The following HSD17B2 variants were observed in gnomAD, a reference collection of about 807,000 sequenced individuals.
HSD17B2 encodes hydroxysteroid 17-beta dehydrogenase 2.
Under a neutral mutation model 26.9 loss-of-function variants are expected in HSD17B2, and 32 were observed. The ratio of observed to expected loss-of-function variants is 1.19; its 90% CI spans 0.90 to 1.60. The LOEUF (loss-of-function observed/expected upper bound fraction) is 1.60, where lower values mean the gene tolerates loss of function less well. HSD17B2 is among the 40% of genes most tolerant of loss of function. HSD17B2 has a pLI of 0.00. For synonymous variants in HSD17B2, 246 were observed against 186.7 expected (o/e 1.32, Z -2.59); for missense variants, 613 against 468.6 (o/e 1.31, Z -2.85).
intron 1 of HSD17B2, among the ~76,000 whole-genome samples, chr16:82,050,735 C>T (rs1175196698): frequency 6.6e-6 from 1 of 152,216 alleles, no homozygotes; most frequent in African/African-American, 2.4e-5. Context: ...CCACCCTTTA[C>T]AGGCTGGCTT....
rs1424466411 is a variant in HSD17B2, at chr16:82,055,455, T to C, written c.266-12715T>C. Among the ~76,000 whole-genome samples, 3 of 152,166 alleles carry C rather than the reference T, an allele frequency of 2.0e-5. No homozygotes were observed. In the East Asian group the frequency reaches 5.8e-4, roughly 29 times the overall value. ...GGTTTTATATGTTGCCGTGTCCCCA[T>C]GATGTAGAAGAGTACATGGCACATG... On this transcript the variant is annotated intron_variant, in intron 1 of 4. Transcript: ENST00000199936.
At chr16:82,050,890 T>C (rs941254876) in intron 1 of HSD17B2, among the ~76,000 whole-genome samples, 3 of 152,214 alleles carry the variant, frequency 2.0e-5, no homozygotes, top group East Asian at 1.9e-4. Flanking sequence ...AACTTTTCTG[T>C]ACATTATAGG....
In HSD17B2 at chr16:82,035,479, C is replaced by T. The variant is rs778683601; in HGVS notation, c.55C>T (p.Leu19=). Residue 19 remains leucine, a synonymous_variant, in exon 1 of 5, where the codon CTA becomes TTA. Transcript: ENST00000199936. Reference sequence around the variant, plus strand: ...GATCTGCCTGGCTGTCCCCACAGTACTATGTGGGACAGTATTTTGCAAATA... The same window carrying T: ...GATCTGCCTGGCTGTCCCCACAGTATTATGTGGGACAGTATTTTGCAAATA... The part of the protein sequence containing the change: ...AWICLAVPTV[L]CGTVFCKYKK... The T allele has an allele frequency of 1.1e-5, 17 of 1,613,404 alleles. 1 individual carries two copies. In the South Asian group the frequency reaches 1.5e-4, roughly 15 times the overall value.
intron 3 of HSD17B2, among the ~76,000 whole-genome samples, chr16:82,077,030 T>C (rs746539696): frequency 6.6e-6 from 1 of 152,284 alleles, no homozygotes; most frequent in Middle Eastern, 3.4e-3. Context: ...ACACAAAAGA[T>C]TGAAAGATAT....
intron 1 of HSD17B2, among the ~76,000 whole-genome samples, chr16:82,045,121 CAAAAA>C (rs10565056): frequency 9.3e-5 from 4 of 42,796 alleles, no homozygotes; most frequent in Admixed American, 2.5e-4. Context: ...AAACTCTGTC[CAAAAA>C]AAAAAAAAAA....
chr16:82,078,797 C>G (rs146680837), intron 3 of HSD17B2, among the ~76,000 whole-genome samples: 28 of 152,222 alleles, frequency 1.8e-4, no homozygotes, highest in Admixed American at 9.2e-4. Flanking sequence ...CATGTTCTCA[C>G]TTATTTGTGG....
At chr16:82,046,239 T>G (rs1306497791) in intron 1 of HSD17B2, among the ~76,000 whole-genome samples, 1 of 151,838 alleles carries the variant, frequency 6.6e-6, no homozygotes. Context: ...GAGGAAGACA[T>G]AACACAACAA....
At chr16:82,062,512 G>A (rs1914468116) in intron 1 of HSD17B2, among the ~76,000 whole-genome samples, 1 of 152,180 alleles carries the variant, frequency 6.6e-6, no homozygotes, top group African/African-American at 2.4e-5. Flanking sequence ...GTGCTTTGGA[G>A]GATTTGAATA....
chr16:82,042,297 G>A lies in HSD17B2; in HGVS notation c.265+6608G>A, dbSNP rs1000732800. ...TGGGATTACAGGCATGAGTCACCAC[G>A]CCCAGCCTCCCACAGTGCTAGGATG... On this transcript the variant is annotated intron_variant, in intron 1 of 4. Coordinates refer to ENST00000199936, the MANE Select transcript of HSD17B2 (RefSeq NM_002153.3). 2.0e-5 allele frequency among the ~76,000 whole-genome samples: 3 copies of A among 151,854 alleles called. No homozygotes were observed. In the East Asian group the frequency reaches 5.9e-4, roughly 30 times the overall value.
intron 1 of HSD17B2, among the ~76,000 whole-genome samples, chr16:82,063,877 C>G (rs1353119203): frequency 6.6e-6 from 1 of 152,092 alleles, no homozygotes; most frequent in East Asian, 1.9e-4. Context: ...TTCCGACTGA[C>G]CAGTGGAAAC....
In HSD17B2 at chr16:82,098,137, G is replaced by T. The variant is rs539724357; in HGVS notation, c.865G>T (p.Ala289Ser). The T allele has an allele frequency of 1.6e-4, 256 of 1,613,786 alleles. No individual in the cohort carries two copies. Among genetic ancestry groups the T allele is most frequent in the Non-Finnish European group, 2.0e-4 (240 of 1,179,972 alleles). ...GAAGGACATTCTGGACCACCTCCCCGCTGAGGTACAGGAAGACTACGGCCA... is the reference window on the plus strand; with the variant it reads ...GAAGGACATTCTGGACCACCTCCCCTCTGAGGTACAGGAAGACTACGGCCA... ...LEKDILDHLP[A>S]EVQEDYGQDY... The change falls in exon 5 of 5, where the codon GCT becomes TCT. Residue 289 changes from alanine to serine, a missense_variant. Coordinates refer to ENST00000199936, the MANE Select transcript of HSD17B2 (RefSeq NM_002153.3).
At position 82,068,177 on chromosome 16, in the gene HSD17B2, T is replaced by C. The variant is rs765826924; in HGVS notation, c.273T>C (p.Asp91=). Reference sequence around the variant, plus strand: ...TCCCCTGACCCTATGCAGGTGGTGATTGCGGGCTTGGCCATGCTTTGTGCA... The same window carrying C: ...TCCCCTGACCCTATGCAGGTGGTGACTGCGGGCTTGGCCATGCTTTGTGCA... ...DQKAVLVTGG[D]CGLGHALCKY... is the part of the protein sequence containing the mutation. The change falls in exon 2 of 5, where the codon GAT becomes GAC. Residue 91 remains aspartate (D), a synonymous_variant. Transcript: ENST00000199936. The C allele has an allele frequency of 9.3e-6, 15 of 1,614,072 alleles. No homozygotes were observed. The highest frequency in any genetic ancestry group is 5.3e-5 in the African/African-American group (4 of 74,932).
At chr16:82,081,799 G>A (rs1904388719) in intron 3 of HSD17B2, among the ~76,000 whole-genome samples, 1 of 152,080 alleles carries the variant, frequency 6.6e-6, no homozygotes, top group East Asian at 1.9e-4. Flanking sequence ...GTACATGTGT[G>A]TTCCATTGCA....
chr16:82,074,324 G>C (rs1299876911), intron 3 of HSD17B2, among the ~76,000 whole-genome samples: 2 of 152,108 alleles, frequency 1.3e-5, no homozygotes, highest in African/African-American at 2.4e-5. Context: ...TTCATGTCCT[G>C]GAGAAACTCT....
chr16:82,084,609 T>G (rs181864416), intron 3 of HSD17B2, among the ~76,000 whole-genome samples: 1 of 152,148 alleles, frequency 6.6e-6, no homozygotes. Context: ...CAATTCTAAT[T>G]GTACAAAGGA....
At chr16:82,068,664 T>C (rs1438146836) in intron 2 of HSD17B2, among the ~76,000 whole-genome samples, 1 of 152,224 alleles carries the variant, frequency 6.6e-6, no homozygotes, top group Non-Finnish European at 1.5e-5. Context: ...CCCCAGCTCA[T>C]TGCTTTTCTG....
rs141715259 is a variant in HSD17B2 at position 82,065,469 on chromosome 16, G to C, written c.266-2701G>C. ...ACACAAGCCTCTAGGGGGAACTGGG[G>C]GCTTTAAAATCCATGGCCCCCATAT... is the stretch of plus-strand genomic sequence containing the variant. On this transcript the variant is annotated intron_variant, in intron 1 of 4. Transcript: ENST00000199936. Among the ~76,000 whole-genome samples, 396 of 152,262 alleles carry C rather than the reference G, an allele frequency of 2.6e-3. 1 individual carries two copies. Among genetic ancestry groups the C allele is most frequent in the African/African-American group, 9.2e-3 (384 of 41,534 alleles).
intron 1 of HSD17B2, among the ~76,000 whole-genome samples, chr16:82,039,997 G>C (rs1015718355): frequency 1.3e-5 from 2 of 152,196 alleles, no homozygotes; most frequent in African/African-American, 2.4e-5. Context: ...TAGTTTTCTA[G>C]GGGGAAAGTG....
chr16:82,072,071 C>A (rs1303642515), intron 3 of HSD17B2: 1 of 152,154 alleles, frequency 6.6e-6, no homozygotes, highest in African/African-American at 2.4e-5. Flanking sequence ...GGAGGGGGTT[C>A]TTCGCATTTC....
Sources: gnomAD v4.1 joint callset for allele counts (sites outside exome capture counted in the v4.1 genomes callset) on GRCh38, gnomAD v4.1.1 for gene constraint, MANE v1.5 for transcripts, NCBI Gene and HGNC (gene_info 2026-07-23, HGNC 2026-07-21) for gene names.